PLEKHA8: variants seen among roughly 807,000 people sequenced by gnomAD.
PLEKHA8 encodes the protein pleckstrin homology domain-containing family A member 8.
PLEKHA8 carries 36 observed loss-of-function variants against 68.2 expected under a neutral mutation model. The ratio of observed to expected loss-of-function variants is 0.53; its 90% CI spans 0.40 to 0.70. The LOEUF (loss-of-function observed/expected upper bound fraction) is 0.70. Ranked by LOEUF, PLEKHA8 falls within the 30% of genes least tolerant of loss-of-function variation. The pLI, the probability that PLEKHA8 is intolerant of heterozygous loss-of-function variation, is 0.00. For synonymous variants in PLEKHA8, 211 were observed against 216.1 expected (o/e 0.98, Z 0.20); for missense variants, 505 against 615.4 (o/e 0.82, Z 1.90).
At chr7:30,111,147 ACCCACCTCGGCCT>A (rs1156701225) in intron 13 of PLEKHA8, among the ~76,000 whole-genome samples, 1 of 151,936 alleles carries the variant, frequency 6.6e-6, no homozygotes, top group Non-Finnish European at 1.5e-5. Context: ...CAGGTGATCC[ACCCACCTCGGCCT>A]CCCAAAGCAC....
intron 7 of PLEKHA8, among the ~76,000 whole-genome samples, chr7:30,054,445 G>T (rs1329849256): frequency 6.6e-6 from 1 of 152,046 alleles, no homozygotes; most frequent in East Asian, 1.9e-4. Flanking sequence ...ATATAACATG[G>T]TCATTAAAAT....
chr7:30,032,012 G>A (rs370914194), intron 1 of PLEKHA8, among the ~76,000 whole-genome samples: 53 of 152,158 alleles, frequency 3.5e-4, no homozygotes, highest in African/African-American at 1.3e-3. Context: ...TTACAGTCTG[G>A]TTTCATCCTG....
At chr7:30,037,163 A>G (rs1332680514) in intron 1 of PLEKHA8, among the ~76,000 whole-genome samples, 2 of 152,210 alleles carry the variant, frequency 1.3e-5, no homozygotes, top group African/African-American at 4.8e-5. Flanking sequence ...CTATTAACAT[A>G]TCTATATAGC....
At chr7:30,052,380 T>C (rs1466425654) in intron 6 of PLEKHA8, among the ~76,000 whole-genome samples, 1 of 152,202 alleles carries the variant, frequency 6.6e-6, no homozygotes, top group Non-Finnish European at 1.5e-5. Flanking sequence ...CTCATGCCTG[T>C]AATCCCAGCA....
rs746714464 is a variant in PLEKHA8, at chr7:30,083,959, T to A, written c.*5172T>A. On this transcript the variant is annotated 3_prime_UTR_variant, in exon 14 of 14. Coordinates refer to ENST00000449726, the MANE Select transcript of PLEKHA8 (RefSeq NM_001197026.2). ...GTTGATAGGAAGGATGCTCTAGAAGTACTTCTGTTGTTTCCTAGAAGGCTA... is the reference window on the plus strand; with the variant it reads ...GTTGATAGGAAGGATGCTCTAGAAGAACTTCTGTTGTTTCCTAGAAGGCTA... 2.5e-5 allele frequency: 25 copies of A among 985,470 alleles called. No individual in the cohort carries two copies. Among genetic ancestry groups the A allele is most frequent in the Non-Finnish European group, 3.0e-5 (25 of 829,912 alleles). 61.0% of individuals were successfully genotyped at this position (985,470 alleles called of 1,614,324 possible).
At position 30,082,047 on chromosome 7, in the gene PLEKHA8, G is replaced by T. The variant is rs115613557; in HGVS notation, c.*3260G>T. ...GGTCTTCTCATTGGCTCTTGATGTAGCTCTGAAGGGAGTTCCAGAAGAGGA... is the reference window on the plus strand; with the variant it reads ...GGTCTTCTCATTGGCTCTTGATGTATCTCTGAAGGGAGTTCCAGAAGAGGA... On this transcript the variant is annotated 3_prime_UTR_variant, in exon 14 of 14. Transcript: ENST00000449726. 4.8e-4 allele frequency: 466 copies of T among 967,070 alleles called. No individual in the cohort carries two copies. The African/African-American group carries it at 7.5e-3, about 16-fold the overall frequency. The allele number at this position is 967,070 out of a possible 1,614,324, so 59.9% of individuals were successfully genotyped here.
intron 5 of PLEKHA8, 142 bp downstream of exon 5, chr7:30,049,524 C>T (rs2127975955): frequency 9.7e-7 from 1 of 1,032,446 alleles, no homozygotes; most frequent in East Asian, 2.7e-5. Context: ...TTTTTTATAT[C>T]TGTCCTCAGC....
At chr7:30,104,019 A>T (rs1161690282) in intron 13 of PLEKHA8, among the ~76,000 whole-genome samples, 1 of 152,218 alleles carries the variant, frequency 6.6e-6, no homozygotes, top group African/African-American at 2.4e-5. Flanking sequence ...AGACCAAAAC[A>T]AATTATTTAA....
At chr7:30,064,601 A>T (rs967619191) in intron 12 of PLEKHA8, among the ~76,000 whole-genome samples, 1 of 152,178 alleles carries the variant, frequency 6.6e-6, no homozygotes, top group African/African-American at 2.4e-5. Context: ...ATTAGCATCT[A>T]TTGTTGTGAT....
chr7:30,045,015 A>G, intron 1 of PLEKHA8, 70 bp from the exon 2 acceptor site: 2 of 1,077,228 alleles, frequency 1.9e-6, no homozygotes, highest in Admixed American at 2.1e-5. Flanking sequence ...GTTAGGCTCT[A>G]TTTCTGTATC....
chr7:30,073,482 G>T (rs1583432821), intron 12 of PLEKHA8, among the ~76,000 whole-genome samples: 2 of 142,568 alleles, frequency 1.4e-5, no homozygotes, highest in East Asian at 2.1e-4. Context: ...TATATGTATT[G>T]ACCTTTTCCC....
chr7:30,107,893 A>G (rs957913809), intron 13 of PLEKHA8, among the ~76,000 whole-genome samples: 2 of 152,030 alleles, frequency 1.3e-5, no homozygotes, highest in Non-Finnish European at 2.9e-5. Context: ...ACATGGAGAA[A>G]TCCCATCTCT....
rs565209713 is a variant in PLEKHA8, at chr7:30,103,269, AAATT to A, written c.1363-25993_1363-25990del. On this transcript the variant is annotated intron_variant, in intron 13 of 13. Transcript: ENST00000396257. Reference sequence around the variant, plus strand: ...ATGTATGTTTTGCCATAATTTAAAAAAATTAATAATGTAATATACCAAAAGTTAT... The same window carrying A: ...ATGTATGTTTTGCCATAATTTAAAAAAATAATGTAATATACCAAAAGTTAT... 2.7e-3 allele frequency among the ~76,000 whole-genome samples: 417 copies of A among 152,374 alleles called. 2 individuals are homozygous for A. The highest frequency in any genetic ancestry group is 5.0e-3 in the Admixed American group (76 of 15,312).
chr7:30,047,215 CT>C (rs554197998), intron 3 of PLEKHA8, among the ~76,000 whole-genome samples: 31 of 149,334 alleles, frequency 2.1e-4, no homozygotes, highest in Admixed American at 4.0e-4. Context: ...GTAATGTGCA[CT>C]TTTTTTTTTC....
intron 13 of PLEKHA8, among the ~76,000 whole-genome samples, chr7:30,097,807 A>C (rs1795678298): frequency 2.0e-5 from 3 of 152,118 alleles, no homozygotes; most frequent in Admixed American, 2.0e-4. Context: ...TGATCTTCTG[A>C]AGCATTCTTC....
intron 13 of PLEKHA8, among the ~76,000 whole-genome samples, chr7:30,107,150 T>C (rs759606681): frequency 1.7e-4 from 26 of 152,206 alleles, no homozygotes; most frequent in Non-Finnish European, 3.4e-4. Context: ...AAATTTCATC[T>C]TCCTACCAAT....
intron 6 of PLEKHA8, among the ~76,000 whole-genome samples, chr7:30,051,258 A>C (rs1792386281): frequency 6.6e-6 from 1 of 152,086 alleles, no homozygotes; most frequent in Admixed American, 6.5e-5. Flanking sequence ...TATTACAAGG[A>C]TTGTTCCCAA....
At chr7:30,129,123 A>C in intron 13 of PLEKHA8, 3 of 1,153,278 alleles carry the variant, frequency 2.6e-6, no homozygotes, top group Non-Finnish European at 3.8e-6. Flanking sequence ...CTTAGCAATA[A>C]GATTCTGGAA....
chr7:30,068,141 A>G (rs939036847), intron 12 of PLEKHA8, among the ~76,000 whole-genome samples: 2 of 152,202 alleles, frequency 1.3e-5, no homozygotes, highest in Non-Finnish European at 2.9e-5. Context: ...CTCACCTGGA[A>G]GGCTCCTTGA....
Sources: allele counts gnomAD v4.1 joint callset (sites outside exome capture counted in the v4.1 genomes callset), GRCh38; gene constraint gnomAD v4.1.1; transcripts MANE v1.5; gene names NCBI Gene and HGNC (gene_info 2026-07-23, HGNC 2026-07-21).